Variants in ADGRE3 observed in about 807,000 individuals in gnomAD.
ADGRE3 encodes adhesion G protein-coupled receptor E3, also known as EGF-like module receptor 3.
ADGRE3 carries 88 observed loss-of-function variants against 80.1 expected under a neutral mutation model. The observed-to-expected ratio is 1.10, with a 90% CI of 0.93 to 1.31. ADGRE3 has a LOEUF of 1.31. Ranked by LOEUF, ADGRE3 falls within the 40% of genes most tolerant of loss-of-function variation. The probability of loss-of-function intolerance (pLI) is 0.00; values close to 1 mark genes in which losing one functional copy is unlikely to be tolerated. For missense variants in ADGRE3, 715 were observed against 776.5 expected, an observed-to-expected ratio of 0.92 and a Z score of 0.94; for synonymous variants, 281 against 294.8, an observed-to-expected ratio of 0.95 and a Z score of 0.48.
intron 14 of ADGRE3, among the ~76,000 whole-genome samples, chr19:14,629,276 T>C (rs894350413): frequency 6.6e-6 from 1 of 152,160 alleles, no homozygotes; most frequent in East Asian, 1.9e-4. Context: ...TTTTTTTCCA[T>C]GTAACTTAAG....
At chr19:14,662,904 A>C (rs1439754471) in intron 3 of ADGRE3, among the ~76,000 whole-genome samples, 1 of 8,856 alleles carries the variant, frequency 1.1e-4, no homozygotes, top group African/African-American at 1.1e-3. Flanking sequence ...CCATCTCTAC[A>C]AAAAAAAAAA....
intron 10 of ADGRE3, 22 bp from the exon 11 acceptor site, chr19:14,638,362 C>G (rs749071106): frequency 1.3e-6 from 2 of 1,591,326 alleles, no homozygotes; most frequent in African/African-American, 1.3e-5. Context: ...GAAAGGGATG[C>G]CTGAAGGGGT....
chr19:14,603,113 CAAG>C, the ADGRE3 span, among the ~76,000 whole-genome samples: 1 of 152,208 alleles, frequency 6.6e-6, no homozygotes. Context: ...CTCAGTTTCA[CAAG>C]AAATACAACT....
In ADGRE3 at chr19:14,630,025, G is replaced by A. The variant is rs1333214160; in HGVS notation, c.1812+14C>T. ...TCTTAAGTTTAAATAACAAAGAAAG[G>A]GGTCAGTGTTTACCTGCTGGCTGAG... On this transcript the variant is annotated intron_variant, in intron 14 of 15. Transcript: ENST00000253673. 1.9e-6 allele frequency: 3 copies of A among 1,549,498 alleles called. No homozygotes were observed. The highest frequency in any genetic ancestry group is 2.6e-6 in the Non-Finnish European group (3 of 1,146,786).
intron 11 of ADGRE3, among the ~76,000 whole-genome samples, chr19:14,637,688 A>C (rs1568482419): frequency 6.6e-6 from 1 of 151,852 alleles, no homozygotes; most frequent in East Asian, 1.9e-4. Context: ...GGTGTGAGCC[A>C]CTGTGCTCAG....
At chr19:14,623,331 A>C (rs1160927353) in intron 15 of ADGRE3, among the ~76,000 whole-genome samples, 1 of 151,512 alleles carries the variant, frequency 6.6e-6, no homozygotes, top group Admixed American at 6.6e-5. Context: ...TCCTGGACTT[A>C]AGTGATCCTT....
chr19:14,669,778 C>G (rs1972201913), intron 1 of ADGRE3, among the ~76,000 whole-genome samples: 1 of 152,194 alleles, frequency 6.6e-6, no homozygotes, highest in African/African-American at 2.4e-5. Flanking sequence ...GCATGAGCCA[C>G]TCTGCCCAGC....
intron 1 of ADGRE3, among the ~76,000 whole-genome samples, chr19:14,672,406 T>G (rs1344444125): frequency 6.6e-6 from 1 of 152,170 alleles, no homozygotes; most frequent in African/African-American, 2.4e-5. Flanking sequence ...TTGGGTAAGT[T>G]GTTTAACTTC....
At chr19:14,655,836 C>CG (rs112337453) in intron 5 of ADGRE3, among the ~76,000 whole-genome samples, 2 of 151,850 alleles carry the variant, frequency 1.3e-5, no homozygotes, top group East Asian at 1.9e-4. Context: ...TGGTTCTCAA[C>CG]GGGGGGGTGA....
At chr19:14,610,026 A>G in the ADGRE3 span, 8 of 1,497,446 alleles carry the variant, frequency 5.3e-6, no homozygotes, top group Non-Finnish European at 6.5e-6. Flanking sequence ...ACCACCCTAA[A>G]GATCCCTGTC....
intron 14 of ADGRE3, among the ~76,000 whole-genome samples, chr19:14,627,851 A>G (rs1297468503): frequency 1.3e-5 from 2 of 152,084 alleles, no homozygotes; most frequent in Non-Finnish European, 2.9e-5. Flanking sequence ...ATGCTAGGCC[A>G]GGCACGATGG....
chr19:14,620,597 T>TTTTTA (rs1970579497), intron 15 of ADGRE3, among the ~76,000 whole-genome samples: 1 of 77,372 alleles, frequency 1.3e-5, no homozygotes, highest in Non-Finnish European at 2.6e-5. Flanking sequence ...TTTTTTTTTT[T>TTTTTA]GAGACAGGGT....
At chr19:14,665,936 G>GTATATATATGCATACATATAT (rs71166783) in intron 2 of ADGRE3, among the ~76,000 whole-genome samples, 1 of 42,098 alleles carries the variant, frequency 2.4e-5, no homozygotes, top group African/African-American at 1.1e-4. Flanking sequence ...ACACATATGT[G>GTATATATATGCATACATATAT]TATATATATA....
At chr19:14,616,110 T>G (rs994119469), downstream of ADGRE3, among the ~76,000 whole-genome samples, 6 of 152,026 alleles carry the variant, frequency 3.9e-5, no homozygotes, top group Admixed American at 2.0e-4. Flanking sequence ...TTTTGTATTT[T>G]TAGTAGAGAC....
downstream of ADGRE3, among the ~76,000 whole-genome samples, chr19:14,614,416 G>T (rs1221613726): frequency 6.6e-6 from 1 of 152,158 alleles, no homozygotes; most frequent in Non-Finnish European, 1.5e-5. Context: ...AGGTAAATAT[G>T]AAAGAGGTCA....
the ADGRE3 span, among the ~76,000 whole-genome samples, chr19:14,607,481 G>A: frequency 1.3e-5 from 2 of 151,802 alleles, no homozygotes; most frequent in Non-Finnish European, 2.9e-5. Flanking sequence ...GGGATTACAG[G>A]CGTGAGCCAC....
intron 12 of ADGRE3, 103 bp downstream of exon 12, chr19:14,633,133 A>G: frequency 7.6e-7 from 1 of 1,319,168 alleles, no homozygotes; most frequent in Non-Finnish European, 1.1e-6. Context: ...CAGGTGGAAA[A>G]TCAAACCACC....
intron 14 of ADGRE3, among the ~76,000 whole-genome samples, chr19:14,628,358 C>T (rs1281870227): frequency 8.3e-6 from 1 of 120,500 alleles, no homozygotes; most frequent in East Asian, 2.0e-4. Context: ...CGAAGAATCG[C>T]TTGAACCTGG....
chr19:14,653,884 T>C (rs1267867572), intron 6 of ADGRE3, among the ~76,000 whole-genome samples: 1 of 151,822 alleles, frequency 6.6e-6, no homozygotes, highest in Non-Finnish European at 1.5e-5. Context: ...AACCAAAGTA[T>C]CCAGATTCCA....
Sources: gnomAD v4.1 joint callset for allele counts (sites outside exome capture counted in the v4.1 genomes callset) on GRCh38, gnomAD v4.1.1 for gene constraint, MANE v1.5 for transcripts, NCBI Gene and HGNC (gene_info 2026-07-23, HGNC 2026-07-21) for gene names.